C4orf51: variants seen among roughly 807,000 people sequenced by gnomAD.
C4orf51 encodes uncharacterized protein C4orf51.
C4orf51 carries 25 observed loss-of-function variants against 25.2 expected under a neutral mutation model. The ratio of observed to expected loss-of-function variants is 0.99; its 90% CI spans 0.72 to 1.39. The LOEUF (loss-of-function observed/expected upper bound fraction) is 1.39. Among genes scored for constraint, C4orf51 ranks in the 40% most tolerant of loss-of-function variants. C4orf51 has a pLI of 0.00. For synonymous variants in C4orf51, 100 were observed against 84.5 expected (o/e 1.18, Z -1.01); for missense variants, 252 against 239.6 (o/e 1.05, Z -0.34).
At chr4:145,779,394 C>T in the C4orf51 span, 5 of 1,614,066 alleles carry the variant, frequency 3.1e-6, no homozygotes, top group Non-Finnish European at 3.4e-6. Flanking sequence ...CGAGAGGTGT[C>T]GGGACAATGT....
At chr4:145,789,687 A>G in the C4orf51 span, among the ~76,000 whole-genome samples, 1 of 152,216 alleles carries the variant, frequency 6.6e-6, no homozygotes, top group East Asian at 1.9e-4. Flanking sequence ...ACCATTTATT[A>G]CATTATACTA....
At chr4:145,783,765 A>C in the C4orf51 span, among the ~76,000 whole-genome samples, 1 of 152,218 alleles carries the variant, frequency 6.6e-6, no homozygotes, top group African/African-American at 2.4e-5. Context: ...TTGTGAATAT[A>C]AGGCATGAAG....
At chr4:145,776,612 TTGTG>T in the C4orf51 span, among the ~76,000 whole-genome samples, 2 of 151,042 alleles carry the variant, frequency 1.3e-5, no homozygotes, top group African/African-American at 2.4e-5. Flanking sequence ...GCATGTCTGT[TTGTG>T]TGTGTGTGTG....
Position 145,761,437 on chromosome 4 carries a change from T to C in C4orf51, n.167-9551T>C. On this transcript the variant is annotated intron_variant and non_coding_transcript_variant, in intron 1 of 1. Coordinates refer to the C4orf51 transcript ENST00000510096. The surrounding 1 kb of genome is among the most constrained non-coding windows in gnomAD (Gnocchi z 6.8). The stretch of plus-strand genomic sequence containing the variant: ...CAGGTAGCCGCACTGGTCGCACTTG[T>C]AGTGGTTGCCCAGGCGGTGCTCCCG... The C allele has an allele frequency of 7.8e-7, 1 of 1,289,840 alleles. No homozygotes were observed. The highest frequency in any genetic ancestry group is 1.0e-6 in the Non-Finnish European group (1 of 988,876). 79.9% of individuals were successfully genotyped at this position (1,289,840 alleles called of 1,614,324 possible).
intron 1 of C4orf51, among the ~76,000 whole-genome samples, chr4:145,744,308 TG>T (rs1202799862): frequency 6.6e-6 from 1 of 152,074 alleles, no homozygotes; most frequent in Non-Finnish European, 1.5e-5. Flanking sequence ...ATGATGAGGG[TG>T]GCAATGGATT....
downstream of C4orf51, among the ~76,000 whole-genome samples, chr4:145,756,977 C>G (rs561658651): frequency 6.6e-6 from 1 of 152,194 alleles, no homozygotes; most frequent in African/African-American, 2.4e-5. Flanking sequence ...CCAGGCAAAA[C>G]AGTCTCTTCT....
In C4orf51 at chr4:145,765,622, C is replaced by T. The variant is rs771220958; in HGVS notation, n.167-5366C>T. 3.0e-5 allele frequency: 49 copies of T among 1,613,980 alleles called. No homozygotes were observed. The highest frequency in any genetic ancestry group is 4.4e-5 in the South Asian group (4 of 91,070). ...ACAGAGATGACCAGCAGATTGTTCC[C>T]GCCCTTGTTTTTCTGGGAGCCATCT... On this transcript the variant is annotated intron_variant and non_coding_transcript_variant, in intron 1 of 1. Coordinates refer to the C4orf51 transcript ENST00000510096. This position sits in a 1 kb window ranked among gnomAD's most constrained non-coding sequence, Gnocchi z 4.7.
intron 1 of C4orf51, among the ~76,000 whole-genome samples, chr4:145,738,968 G>A (rs1241370960): frequency 6.6e-6 from 1 of 152,108 alleles, no homozygotes; most frequent in East Asian, 1.9e-4. Flanking sequence ...TAATGATTAG[G>A]CAAATAGCCT....
chr4:145,709,705 T>C (rs1431364311), intron 2 of C4orf51, among the ~76,000 whole-genome samples: 1 of 151,982 alleles, frequency 6.6e-6, no homozygotes, highest in Non-Finnish European at 1.5e-5. Context: ...AACAGGTAAT[T>C]TTAGTTGAAA....
At chr4:145,693,430 T>A (rs1232105916) in intron 1 of C4orf51, among the ~76,000 whole-genome samples, 1 of 152,088 alleles carries the variant, frequency 6.6e-6, no homozygotes, top group Non-Finnish European at 1.5e-5. Flanking sequence ...CCATGTCTAC[T>A]TCCTTCCACA....
chr4:145,761,178 C>G lies in C4orf51; in HGVS notation n.167-9810C>G, dbSNP rs1205933401. ...CTGGACACAGGCCCTTCTTGTCCTCCTCGGGGCAGTCCCCACTCTGGTGCT... is the reference window on the plus strand; with the variant it reads ...CTGGACACAGGCCCTTCTTGTCCTCGTCGGGGCAGTCCCCACTCTGGTGCT... On this transcript the variant is annotated intron_variant and non_coding_transcript_variant, in intron 1 of 1. Transcript: ENST00000510096. This position sits in a 1 kb window ranked among gnomAD's most constrained non-coding sequence, Gnocchi z 6.8. The G allele has an allele frequency of 1.6e-6, 2 of 1,289,742 alleles. No homozygotes were observed. Among genetic ancestry groups the G allele is most frequent in the African/African-American group, 3.0e-5 (2 of 65,874 alleles). The allele number at this position is 1,289,742 out of a possible 1,614,324, so 79.9% of individuals were successfully genotyped here.
chr4:145,736,308 C>T (rs568447681), downstream of C4orf51, among the ~76,000 whole-genome samples: 31 of 151,806 alleles, frequency 2.0e-4, no homozygotes, highest in African/African-American at 7.0e-4. Context: ...CCCTGAGTGA[C>T]GAATGCAGAA....
At chr4:145,768,916 T>TATATA (rs34051922) in intron 1 of C4orf51, among the ~76,000 whole-genome samples, 1 of 34,410 alleles carries the variant, frequency 2.9e-5, no homozygotes, top group Non-Finnish European at 5.2e-5. Context: ...TATATATATA[T>TATATA]TAGGTATACA....
At chr4:145,690,827 G>A (rs1729505794) in intron 1 of C4orf51, among the ~76,000 whole-genome samples, 1 of 152,146 alleles carries the variant, frequency 6.6e-6, no homozygotes, top group Non-Finnish European at 1.5e-5. Context: ...AGGGCCAGGT[G>A]TGGTGGCTCA....
intron 1 of C4orf51, among the ~76,000 whole-genome samples, chr4:145,742,854 T>A (rs1158235671): frequency 6.6e-6 from 1 of 152,188 alleles, no homozygotes; most frequent in Non-Finnish European, 1.5e-5. Flanking sequence ...CATTTTCTTC[T>A]AGACAGGAAA....
intron 1 of C4orf51, among the ~76,000 whole-genome samples, chr4:145,750,646 T>G (rs979624997): frequency 2.0e-5 from 3 of 152,142 alleles, no homozygotes; most frequent in Non-Finnish European, 4.4e-5. Flanking sequence ...CACTTGGTGT[T>G]CTATAACCTT....
At chr4:145,718,214 T>G (rs187200672) in intron 2 of C4orf51, among the ~76,000 whole-genome samples, 13 of 152,272 alleles carry the variant, frequency 8.5e-5, no homozygotes, top group African/African-American at 3.1e-4. Context: ...TACAAGGAGG[T>G]GTTATGTGGT....
intron 2 of C4orf51, among the ~76,000 whole-genome samples, chr4:145,713,766 A>G (rs1213956859): frequency 6.6e-6 from 1 of 152,026 alleles, no homozygotes; most frequent in Admixed American, 6.6e-5. Flanking sequence ...AGGTATGTCC[A>G]TTTTATTTTT....
intron 1 of C4orf51, among the ~76,000 whole-genome samples, chr4:145,738,864 C>T (rs189832954): frequency 2.0e-5 from 3 of 152,212 alleles, no homozygotes; most frequent in Admixed American, 2.0e-4. Flanking sequence ...TGGTCTCAAA[C>T]TTCTGGGCTC....
Sources: allele counts gnomAD v4.1 joint callset (sites outside exome capture counted in the v4.1 genomes callset), GRCh38; gene constraint gnomAD v4.1.1; non-coding constraint Gnocchi (gnomAD v3.1); transcripts MANE v1.5; gene names NCBI Gene and HGNC (gene_info 2026-07-23, HGNC 2026-07-21).